Variants in CGNL1 observed in about 807,000 individuals in gnomAD.
CGNL1 encodes cingulin-like protein 1.
CGNL1 carries 132 observed loss-of-function variants against 141.2 expected under a neutral mutation model. The ratio of observed to expected loss-of-function variants is 0.93; its 90% CI spans 0.81 to 1.08. The LOEUF is 1.08. CGNL1 is among the 50% of genes least tolerant of loss of function. The pLI is 0.00. For missense variants in CGNL1, 1,870 were observed against 1,588.6 expected (o/e 1.18, Z -3.01); for synonymous variants, 690 against 622.1 (o/e 1.11, Z -1.63).
chr15:57,383,499 C>T (rs1403610444), intron 1 of CGNL1, among the ~76,000 whole-genome samples: 1 of 152,024 alleles, frequency 6.6e-6, no homozygotes, highest in East Asian at 1.9e-4. Flanking sequence ...GGGGTTTCAC[C>T]ATGTTAGCCA....
intron 9 of CGNL1, among the ~76,000 whole-genome samples, chr15:57,517,618 A>G (rs1184379121): frequency 2.6e-5 from 4 of 152,208 alleles, no homozygotes; most frequent in African/African-American, 4.8e-5. Flanking sequence ...TTAAGGTGCC[A>G]GCCTCTAGCG....
chr15:57,432,288 G>C (rs760264860), intron 1 of CGNL1, among the ~76,000 whole-genome samples: 35 of 152,186 alleles, frequency 2.3e-4, no homozygotes, highest in African/African-American at 6.5e-4. Context: ...GTGCCACTGA[G>C]AATTAGAGTT....
chr15:57,524,892 G>T, intron 12 of CGNL1, 141 bp downstream of exon 12: 1 of 833,994 alleles, frequency 1.2e-6, no homozygotes. Context: ...TTCTGGATGG[G>T]TTCCGTGGGC....
In CGNL1 at chr15:57,451,600, A is replaced by G. The variant is rs368849024; in HGVS notation, c.1904A>G (p.Lys635Arg). The change falls in exon 5 of 19, where the codon AAG (lysine) becomes AGG (arginine). Residue 635 changes from lysine (K) to arginine (R), a missense_variant and splice_region_variant. Lys to Arg is a conservative substitution (Grantham distance 26). Coordinates refer to ENST00000281282, the MANE Select transcript of CGNL1 (RefSeq NM_032866.5). ...ELQRQLQLEV[K>R]NQQNIKEERE... ...CAGAGACAGCTTCAACTGGAAGTCA[A>G]GGTATCTGGTTTTTCCTTTATGTTA... is the stretch of plus-strand genomic sequence containing the variant. The G allele has an allele frequency of 1.6e-5, 25 of 1,599,214 alleles. No homozygotes were observed. The highest frequency in any genetic ancestry group is 1.3e-4 in the African/African-American group (10 of 74,432).
At chr15:57,471,957 T>C (rs1252167874) in intron 8 of CGNL1, among the ~76,000 whole-genome samples, 1 of 151,998 alleles carries the variant, frequency 6.6e-6, no homozygotes. Flanking sequence ...ATGTGTGATT[T>C]TCTGGGTGTG....
intron 8 of CGNL1, among the ~76,000 whole-genome samples, chr15:57,488,458 T>G (rs1273430280): frequency 6.6e-6 from 1 of 152,232 alleles, no homozygotes; most frequent in Non-Finnish European, 1.5e-5. Context: ...AAGAAACCAT[T>G]TCCTCATCCA....
At chr15:57,445,482 A>G (rs1489757167) in intron 4 of CGNL1, among the ~76,000 whole-genome samples, 2 of 152,144 alleles carry the variant, frequency 1.3e-5, no homozygotes, top group Non-Finnish European at 2.9e-5. Context: ...GAATGTAAGA[A>G]CCCTCTCCCT....
intron 8 of CGNL1, among the ~76,000 whole-genome samples, chr15:57,463,807 G>A (rs1176562206): frequency 6.6e-6 from 1 of 152,130 alleles, no homozygotes; most frequent in Non-Finnish European, 1.5e-5. Flanking sequence ...TACGTGTAGA[G>A]TGACTTGCTC....
intron 8 of CGNL1, among the ~76,000 whole-genome samples, chr15:57,498,836 C>T (rs1188203446): frequency 6.6e-6 from 1 of 151,694 alleles, no homozygotes; most frequent in Admixed American, 6.6e-5. Context: ...CCAGGAGGAA[C>T]TTTTTTTTAA....
chr15:57,455,846 A>C lies in CGNL1; in HGVS notation c.2190+2028A>C, dbSNP rs186604402. ...CTGTTTTGGTGATGTGTTCAGGCAG[A>C]GGCTGATAATGCGAGATACAGGAGT... is the stretch of plus-strand genomic sequence containing the variant. On this transcript the variant is annotated intron_variant, in intron 7 of 18. Transcript: ENST00000281282. Among the ~76,000 whole-genome samples the C allele has an allele frequency of 9.5e-4, 144 of 152,312 alleles. 2 individuals carry two copies. Among genetic ancestry groups the C allele is most frequent in the Admixed American group, 5.6e-3 (85 of 15,304 alleles).
chr15:57,530,892 T>A (rs749574840), intron 13 of CGNL1, among the ~76,000 whole-genome samples: 1 of 152,236 alleles, frequency 6.6e-6, no homozygotes, highest in Non-Finnish European at 1.5e-5. Context: ...AGGTTCACAT[T>A]TAAAACTTGG....
intron 8 of CGNL1, among the ~76,000 whole-genome samples, chr15:57,509,613 G>T (rs1371177582): frequency 6.6e-6 from 1 of 152,202 alleles, no homozygotes; most frequent in African/African-American, 2.4e-5. Flanking sequence ...TTCTCCAGGG[G>T]CCAGTGTGAA....
chr15:57,395,519 T>G (rs1467900641), intron 1 of CGNL1, among the ~76,000 whole-genome samples: 2 of 152,208 alleles, frequency 1.3e-5, no homozygotes, highest in Non-Finnish European at 2.9e-5. Context: ...AGCCTTTGCG[T>G]CTGGCCTTGA....
At chr15:57,506,933 A>G (rs1314636063) in intron 8 of CGNL1, among the ~76,000 whole-genome samples, 1 of 152,210 alleles carries the variant, frequency 6.6e-6, no homozygotes, top group African/African-American at 2.4e-5. Flanking sequence ...TATTAAGATA[A>G]CATTCATATA....
Position 57,438,874 on chromosome 15 carries a change from G to T in CGNL1, c.875G>T (p.Arg292Leu). ...GCGGGACCCGTCCTGGATGGAGCTCGGTCCCGGAGGTCCTCCTCGTCATCC... is the reference window on the plus strand; with the variant it reads ...GCGGGACCCGTCCTGGATGGAGCTCTGTCCCGGAGGTCCTCCTCGTCATCC... Reference protein sequence around the residue: ...DSAGPVLDGARSRRSSSSSTT... With the variant: ...DSAGPVLDGALSRRSSSSSTT... Residue 292 changes from arginine (R) to leucine (L), a missense_variant, in exon 2 of 19, where the codon CGG (arginine) becomes CTG (leucine). Coordinates refer to ENST00000281282, the MANE Select transcript of CGNL1 (RefSeq NM_032866.5). The T allele has an allele frequency of 6.2e-7, 1 of 1,614,142 alleles. No individual in the cohort carries two copies. Among genetic ancestry groups the T allele is most frequent in the Non-Finnish European group, 8.5e-7 (1 of 1,180,042 alleles).
Position 57,439,396 on chromosome 15 carries a change from T to C in CGNL1, c.1397T>C (p.Ile466Thr), listed in dbSNP as rs1205474645. 1.2e-6 allele frequency: 2 copies of C among 1,614,086 alleles called. No individual in the cohort carries two copies. The highest frequency in any genetic ancestry group is 3.3e-5 in the Admixed American group (2 of 60,012). Residue 466 changes from isoleucine to threonine, a missense_variant, in exon 2 of 19, where the codon ATA becomes ACA. Ile to Thr is a moderately conservative substitution (Grantham distance 89, BLOSUM62 -1). Coordinates refer to ENST00000281282, the MANE Select transcript of CGNL1 (RefSeq NM_032866.5). ...CACTCCAGGCCTCCCCAGCCGAACA[T>C]AGATGGGAAAGTTCTGGAAACCGAA... ...CAHSRPPQPN[I>T]DGKVLETEGS...
chr15:57,472,995 T>C (rs2063601991), intron 8 of CGNL1, among the ~76,000 whole-genome samples: 1 of 152,104 alleles, frequency 6.6e-6, no homozygotes. Context: ...CTCTGAGCCA[T>C]CCATGGACAC....
intron 4 of CGNL1, among the ~76,000 whole-genome samples, chr15:57,449,625 G>C (rs550765230): frequency 3.3e-5 from 5 of 152,234 alleles, no homozygotes; most frequent in South Asian, 2.1e-4. Flanking sequence ...CATTCTACAG[G>C]CTTCTGACAA....
At chr15:57,518,886 A>G (rs2031044135) in intron 10 of CGNL1, among the ~76,000 whole-genome samples, 1 of 152,312 alleles carries the variant, frequency 6.6e-6, no homozygotes, top group Non-Finnish European at 1.5e-5. Flanking sequence ...CAGCTTTCCA[A>G]AGATAAAATA....
Sources: allele counts gnomAD v4.1 joint callset (sites outside exome capture counted in the v4.1 genomes callset), GRCh38; gene constraint gnomAD v4.1.1; transcripts MANE v1.5; gene names NCBI Gene and HGNC (gene_info 2026-07-23, HGNC 2026-07-21).